ANKS3: variants seen among roughly 807,000 people sequenced by gnomAD.
ANKS3 encodes ankyrin repeat and SAM domain-containing protein 3.
ANKS3 carries 62 observed loss-of-function variants against 80.7 expected under a neutral mutation model. The observed-to-expected ratio is 0.77, with a 90% CI of 0.63 to 0.95. The LOEUF (loss-of-function observed/expected upper bound fraction) is 0.95. Ranked by LOEUF, ANKS3 falls within the 40% of genes least tolerant of loss-of-function variation. The probability of loss-of-function intolerance (pLI) is 0.00; values close to 1 mark genes in which losing one functional copy is unlikely to be tolerated. For missense variants in ANKS3, 1,150 were observed against 883.6 expected (o/e 1.30, Z -3.82); for synonymous variants, 489 against 355.3 (o/e 1.38, Z -4.23).
rs1427807184 is a variant in ANKS3 at position 4,702,206 on chromosome 16, C to T, written c.905G>A (p.Ser302Asn). 5 of 1,589,286 alleles carry T rather than the reference C, an allele frequency of 3.1e-6. No individual in the cohort carries two copies. Among genetic ancestry groups the T allele is most frequent in the Non-Finnish European group, 4.3e-6 (5 of 1,168,154 alleles). ...TTCTTCCAGGGGGTTCTCGCCACTG[C>T]TGTTGAAGGTGACATAGCCACGGGG... ...APPRGYVTFN[S>N]SGENPLEEEG... Residue 302 changes from serine to asparagine, a missense_variant, in exon 9 of 18, where the codon AGC becomes AAC. Coordinates refer to ENST00000304283, the MANE Select transcript of ANKS3 (RefSeq NM_133450.4).
chr16:4,712,804 T>C (rs889586264), intron 7 of ANKS3, among the ~76,000 whole-genome samples: 4 of 152,106 alleles, frequency 2.6e-5, no homozygotes, highest in Admixed American at 2.0e-4. Flanking sequence ...TGTTAGCAAC[T>C]AAACAAAAGA....
At chr16:4,725,669 G>C (rs755612300) in intron 5 of ANKS3, among the ~76,000 whole-genome samples, 1 of 152,158 alleles carries the variant, frequency 6.6e-6, no homozygotes, top group Non-Finnish European at 1.5e-5. Context: ...TTTTTTGTTT[G>C]TTTTTGAGAC....
intron 2 of ANKS3, 43 bp downstream of exon 2, chr16:4,731,469 G>A (rs924888700): frequency 2.8e-5 from 5 of 180,600 alleles, no homozygotes; most frequent in South Asian, 3.7e-4. Flanking sequence ...TAGTAGAGAC[G>A]GGGGTTTCAC....
intron 7 of ANKS3, among the ~76,000 whole-genome samples, chr16:4,708,215 ATTAAAG>A (rs1001809586): frequency 1.5e-4 from 23 of 152,270 alleles, no homozygotes; most frequent in South Asian, 4.1e-4. Flanking sequence ...GATCAGACAC[ATTAAAG>A]TTAATCAGAA....
chr16:4,698,445 A>G lies in ANKS3; in HGVS notation c.1706T>C (p.Leu569Pro). 5 of 1,535,434 alleles carry G rather than the reference A, an allele frequency of 3.3e-6. No homozygotes were observed. The highest frequency in any genetic ancestry group is 4.4e-6 in the Non-Finnish European group (5 of 1,147,422). Reference sequence around the variant, plus strand: ...CACTCACCGCAGCTGGTCCAGGACGAGGGCAGCATCCCGGGCCAGGGCCCA... The same window carrying G: ...CACTCACCGCAGCTGGTCCAGGACGGGGGCAGCATCCCGGGCCAGGGCCCA... ...ETWALARDAA[L>P]VLDQLRACQA... is the part of the protein sequence containing the mutation. Residue 569 changes from leucine (L) to proline (P), a missense_variant, in exon 14 of 18, where the codon CTC becomes CCC. Physicochemically the swap from Leu to Pro is moderately conservative, Grantham distance 98. Coordinates refer to ENST00000304283, the MANE Select transcript of ANKS3 (RefSeq NM_133450.4).
intron 11 of ANKS3, 77 bp downstream of exon 11, chr16:4,700,893 T>C (rs2079862442): frequency 6.4e-7 from 1 of 1,570,170 alleles, no homozygotes; most frequent in Non-Finnish European, 8.7e-7. Context: ...TGGCACGTCA[T>C]ATACACAACA....
intron 7 of ANKS3, among the ~76,000 whole-genome samples, chr16:4,710,876 GCAA>G (rs1357364359): frequency 6.6e-6 from 1 of 152,118 alleles, no homozygotes; most frequent in Non-Finnish European, 1.5e-5. Flanking sequence ...TTGGCTTACT[GCAA>G]TCTCCCCCTC....
At chr16:4,717,932 A>C (rs569551069) in intron 6 of ANKS3, among the ~76,000 whole-genome samples, 64 of 152,204 alleles carry the variant, frequency 4.2e-4, no homozygotes, top group Non-Finnish European at 7.8e-4. Flanking sequence ...AGTAGCTGGG[A>C]CTACAGGGGC....
At chr16:4,712,911 C>G (rs1337332979) in intron 7 of ANKS3, among the ~76,000 whole-genome samples, 1 of 152,076 alleles carries the variant, frequency 6.6e-6, no homozygotes, top group African/African-American at 2.4e-5. Flanking sequence ...CTGTAAAGCC[C>G]TAAAGAATCA....
rs376519343 is a variant in ANKS3, at chr16:4,722,268, T to A, written c.573+2482A>T. 2.6e-5 allele frequency among the ~76,000 whole-genome samples: 4 copies of A among 151,148 alleles called. No homozygotes were observed. In the East Asian group the frequency reaches 5.8e-4, roughly 22 times the overall value. On this transcript the variant is annotated intron_variant, in intron 6 of 17. Transcript: ENST00000304283. ...CCAATAGAAAATTGGGCAATAAACA[T>A]AGACAGCTCGTAAGAGAAATACAAA...
At position 4,727,197 on chromosome 16, in the gene ANKS3, G is replaced by A. The variant is rs780632714; in HGVS notation, c.171-20C>T. ...TCTCTCCTAAACAAACGCAAGATAT[G>A]CTAGACATGGCCAGCCGCCTCGCAT... On this transcript the variant is annotated intron_variant, in intron 3 of 17. Coordinates refer to ENST00000304283, the MANE Select transcript of ANKS3 (RefSeq NM_133450.4). 1 of 1,611,760 alleles carries A rather than the reference G, an allele frequency of 6.2e-7. No individual in the cohort carries two copies. Among genetic ancestry groups the A allele is most frequent in the South Asian group, 1.1e-5 (1 of 91,048 alleles).
intron 5 of ANKS3, 162 bp from the exon 6 acceptor site, chr16:4,724,993 A>G (rs1015649123): frequency 1.2e-5 from 7 of 576,752 alleles, no homozygotes; most frequent in East Asian, 1.2e-4. Flanking sequence ...AACAGTGAAT[A>G]TAACACATCA....
chr16:4,702,027 G>A (rs573067033), intron 9 of ANKS3, 75 bp downstream of exon 9: 8 of 1,474,902 alleles, frequency 5.4e-6, no homozygotes, highest in Admixed American at 4.3e-5. Context: ...AGGCCCAGGG[G>A]ATAAGTGGGG....
chr16:4,714,444 C>A, intron 6 of ANKS3: 1 of 531,730 alleles, frequency 1.9e-6, no homozygotes, highest in East Asian at 3.3e-5. Context: ...ACCTCCCTTG[C>A]AGGGGGCTGG....
chr16:4,703,422 T>G (rs1291680265), intron 8 of ANKS3, among the ~76,000 whole-genome samples: 1 of 29,726 alleles, frequency 3.4e-5, no homozygotes, highest in Non-Finnish European at 1.1e-4. Flanking sequence ...GCCCCCCCAA[T>G]TTTTTTTTTT....
In ANKS3 at chr16:4,698,891, C is replaced by T. The variant is rs762446836; in HGVS notation, c.1460G>A (p.Ser487Asn). The T allele has an allele frequency of 1.9e-6, 3 of 1,599,962 alleles. No homozygotes were observed. The highest frequency in any genetic ancestry group is 2.6e-6 in the Non-Finnish European group (3 of 1,172,300). ...KMTSAIARWH[S>N]SARPPGDALE... ...GGCATCCCCGGGTGGGCGGGCACTG[C>T]TGTGCCAGCGGGCAATGGCGGACGT... is the stretch of plus-strand genomic sequence containing the variant. The change falls in exon 13 of 18, where the codon AGC becomes AAC. Residue 487 changes from serine (S) to asparagine (N), a missense_variant. Ser to Asn is a conservative substitution (Grantham distance 46). Coordinates refer to ENST00000304283, the MANE Select transcript of ANKS3 (RefSeq NM_133450.4).
chr16:4,732,285 G>C (rs936195165), intron 1 of ANKS3, among the ~76,000 whole-genome samples: 1 of 152,122 alleles, frequency 6.6e-6, no homozygotes, highest in Admixed American at 6.6e-5. Context: ...AACCAAACGA[G>C]CTGAGGGTCA....
chr16:4,728,527 G>C (rs764106276), intron 3 of ANKS3, among the ~76,000 whole-genome samples: 5 of 152,040 alleles, frequency 3.3e-5, no homozygotes, highest in Non-Finnish European at 5.9e-5. Context: ...CACCCAGCTC[G>C]TCCTAACACT....
rs534219168 is a variant in ANKS3, at chr16:4,700,920, C to T, written c.1284+50G>A. On this transcript the variant is annotated intron_variant, in intron 11 of 17. Transcript: ENST00000304283. The stretch of plus-strand genomic sequence containing the variant: ...TACACAACACATGCCTCCTAAGTCA[C>T]AAAAAGTGCCGTCTCTGAGTGTAAC... The T allele has an allele frequency of 1.9e-6, 3 of 1,609,872 alleles. No homozygotes were observed. In the South Asian group the frequency reaches 3.3e-5, roughly 18 times the overall value.
Sources: gnomAD v4.1 joint callset for allele counts (sites outside exome capture counted in the v4.1 genomes callset) on GRCh38, gnomAD v4.1.1 for gene constraint, MANE v1.5 for transcripts, NCBI Gene and HGNC (gene_info 2026-07-23, HGNC 2026-07-21) for gene names.